The following TM4SF5 variants were observed in gnomAD, a reference collection of about 807,000 sequenced individuals.
The protein encoded by TM4SF5 is transmembrane 4 L six family member 5, also known as transmembrane 4 L6 family member 5.
Under a neutral mutation model 22.3 loss-of-function variants are expected in TM4SF5, and 16 were observed. The ratio of observed to expected loss-of-function variants is 0.72; its 90% confidence interval spans 0.49 to 1.09. The LOEUF (loss-of-function observed/expected upper bound fraction) is 1.09, where lower values mean the gene tolerates loss of function less well. TM4SF5 is among the 50% of genes least tolerant of loss of function. TM4SF5 has a pLI of 0.00. For missense variants in TM4SF5, 249 were observed against 266.1 expected, an observed-to-expected ratio of 0.94 and a Z score of 0.45; for synonymous variants, 113 against 109.6, an observed-to-expected ratio of 1.03 and a Z score of -0.19.
intron 1 of TM4SF5, among the ~76,000 whole-genome samples, chr17:4,773,225 G>A (rs1335652941): frequency 6.6e-6 from 1 of 151,950 alleles, no homozygotes; most frequent in African/African-American, 2.4e-5. Flanking sequence ...TAGAGACGGA[G>A]TATCTCTGTG....
chr17:4,778,376 A>G (rs1917243251), intron 1 of TM4SF5, among the ~76,000 whole-genome samples: 1 of 152,080 alleles, frequency 6.6e-6, no homozygotes, highest in Admixed American at 6.6e-5. Context: ...GCAATTTGGG[A>G]GGCTGAAGCA....
chr17:4,781,199 G>A (rs190176808), intron 2 of TM4SF5, among the ~76,000 whole-genome samples: 3 of 151,674 alleles, frequency 2.0e-5, no homozygotes, highest in African/African-American at 7.2e-5. Flanking sequence ...GCGTGGTGGC[G>A]GGCACCTGTA....
At chr17:4,775,957 G>A (rs1013556034) in intron 1 of TM4SF5, among the ~76,000 whole-genome samples, 1 of 152,074 alleles carries the variant, frequency 6.6e-6, no homozygotes, top group African/African-American at 2.4e-5. Context: ...TGATTCTCAT[G>A]CCTCAGCCTC....
chr17:4,781,515 T>G (rs922048277), intron 2 of TM4SF5, among the ~76,000 whole-genome samples: 7 of 152,056 alleles, frequency 4.6e-5, no homozygotes, highest in Admixed American at 4.6e-4. Context: ...TATTTTACAT[T>G]TATTTATCTT....
At chr17:4,780,602 G>A (rs1221194417) in intron 1 of TM4SF5, among the ~76,000 whole-genome samples, 187 bp from the exon 2 acceptor site, 1 of 152,124 alleles carries the variant, frequency 6.6e-6, no homozygotes, top group East Asian at 1.9e-4. Flanking sequence ...CAGAGATAAG[G>A]TAGGCACGTA....
intron 1 of TM4SF5, among the ~76,000 whole-genome samples, chr17:4,778,127 C>A (rs1289801914): frequency 1.3e-5 from 2 of 152,162 alleles, no homozygotes; most frequent in East Asian, 3.8e-4. Flanking sequence ...TTTGGATCCA[C>A]AAGCCTCCAG....
intron 1 of TM4SF5, among the ~76,000 whole-genome samples, chr17:4,778,884 C>T (rs183188699): frequency 2.6e-5 from 4 of 151,816 alleles, no homozygotes; most frequent in Admixed American, 1.3e-4. Flanking sequence ...GATGAAACCC[C>T]GTCTCTACTA....
chr17:4,778,898 A>G (rs1917251042), intron 1 of TM4SF5, among the ~76,000 whole-genome samples: 1 of 151,858 alleles, frequency 6.6e-6, no homozygotes. Flanking sequence ...TCTACTAAAA[A>G]TACAAAAAAT....
At chr17:4,779,721 G>A (rs1917266201) in intron 1 of TM4SF5, among the ~76,000 whole-genome samples, 1 of 152,172 alleles carries the variant, frequency 6.6e-6, no homozygotes, top group Non-Finnish European at 1.5e-5. Flanking sequence ...AGATGAATTT[G>A]AGGAATATTG....
chr17:4,782,362 A>G, intron 2 of TM4SF5, 141 bp from the exon 3 acceptor site: 1 of 987,798 alleles, frequency 1.0e-6, no homozygotes, highest in South Asian at 1.5e-5. Flanking sequence ...TACAGGGGTG[A>G]GCCACCGCGC....
In TM4SF5 at chr17:4,783,132, T is replaced by G. The variant is rs1917350700; in HGVS notation, c.*4T>G. ...TCCGCAGGACACACCTCACTGAGGC[T>G]CCACTGACCGCCGGGTTACACCTGC... On this transcript the variant is annotated 3_prime_UTR_variant, in exon 5 of 5. Transcript: ENST00000270560. 6.2e-7 allele frequency: 1 copy of G among 1,613,550 alleles called. No individual in the cohort carries two copies. The highest frequency in any genetic ancestry group is 8.5e-7 in the Non-Finnish European group (1 of 1,179,794).
chr17:4,773,863 T>A (rs1400512824), intron 1 of TM4SF5, among the ~76,000 whole-genome samples: 1 of 152,078 alleles, frequency 6.6e-6, no homozygotes, highest in African/African-American at 2.4e-5. Flanking sequence ...GAGTCTGCCT[T>A]CCCCAAATAT....
At chr17:4,773,463 G>A (rs1030479621) in intron 1 of TM4SF5, among the ~76,000 whole-genome samples, 3 of 152,034 alleles carry the variant, frequency 2.0e-5, no homozygotes, top group African/African-American at 2.4e-5. Context: ...ATCTTCATGC[G>A]ATAAAGACAA....
chr17:4,772,138 G>A (rs779481559), intron 1 of TM4SF5, 39 bp downstream of exon 1: 1 of 1,612,200 alleles, frequency 6.2e-7, no homozygotes, highest in East Asian at 2.2e-5. Context: ...CAGCTGGCTG[G>A]GTGCCACCTA....
Position 4,782,846 on chromosome 17 carries a change from T to A in TM4SF5, c.396-8T>A, listed in dbSNP as rs1390056471. On this transcript the variant is annotated splice_polypyrimidine_tract_variant and splice_region_variant and intron_variant, in intron 3 of 4. Transcript: ENST00000270560. The stretch of plus-strand genomic sequence containing the variant: ...GCCTTCTCCCACGTGGCCTCACCCC[T>A]CCCACAGGGGAGCTTACTTGCTCAA... The A allele has an allele frequency of 1.9e-6, 3 of 1,609,248 alleles. No homozygotes were observed. The Admixed American group carries it at 5.0e-5, about 27-fold the overall frequency.
chr17:4,772,018 T>C lies in TM4SF5; in HGVS notation c.96T>C (p.Asn32=), dbSNP rs767965715. The C allele has an allele frequency of 3.7e-6, 6 of 1,614,170 alleles. No homozygotes were observed. Among genetic ancestry groups the C allele is most frequent in the South Asian group, 1.1e-5 (1 of 91,082 alleles). ...IVANALLLVP[N]GETSWTNTNH... ...CCAACGCCCTCCTGCTGGTACCTAA[T>C]GGGGAGACCTCCTGGACCAACACCA... The change falls in exon 1 of 5, where the codon AAT becomes AAC. Residue 32 remains asparagine, a synonymous_variant. Transcript: ENST00000270560.
Position 4,782,659 on chromosome 17 carries a change from C to G in TM4SF5, c.395+20C>G. ...CACCGCGTAAGGTTTAGCCTGTATT[C>G]GTGTCCTCCATTCTCTGCCTCTTCC... On this transcript the variant is annotated intron_variant, in intron 3 of 4. Coordinates refer to ENST00000270560, the MANE Select transcript of TM4SF5 (RefSeq NM_003963.3). 6.2e-7 allele frequency: 1 copy of G among 1,613,632 alleles called. No homozygotes were observed. The highest frequency in any genetic ancestry group is 8.5e-7 in the Non-Finnish European group (1 of 1,179,712).
At chr17:4,783,066 G>C (rs761793994) in intron 4 of TM4SF5, 29 bp downstream of exon 4, 1 of 1,614,112 alleles carries the variant, frequency 6.2e-7, no homozygotes, top group South Asian at 1.1e-5. Context: ...GAGTTGTAGA[G>C]GGAACCTGCC....
At chr17:4,775,421 G>A (rs969562708) in intron 1 of TM4SF5, among the ~76,000 whole-genome samples, 12 of 151,514 alleles carry the variant, frequency 7.9e-5, no homozygotes, top group African/African-American at 2.9e-4. Flanking sequence ...ACCACGCACA[G>A]CAAATTTTTT....
Sources: allele counts gnomAD v4.1 joint callset (sites outside exome capture counted in the v4.1 genomes callset), GRCh38; gene constraint gnomAD v4.1.1; transcripts MANE v1.5; gene names NCBI Gene and HGNC (gene_info 2026-07-23, HGNC 2026-07-21).